Variants in NYAP2 observed in about 807,000 individuals in gnomAD.
NYAP2 encodes neuronal tyrosine-phosphorylated phosphoinositide-3-kinase adapter 2.
Under a neutral mutation model 50.4 loss-of-function variants are expected in NYAP2, and 23 were observed. That is an observed-to-expected ratio of 0.46 (90% CI 0.33 to 0.65). NYAP2 has a LOEUF of 0.65. NYAP2 is among the 30% of genes least tolerant of loss of function. The probability of loss-of-function intolerance (pLI) is 0.02; values close to 1 mark genes in which losing one functional copy is unlikely to be tolerated. For missense variants in NYAP2, 885 were observed against 861.0 expected (o/e 1.03, Z -0.35); for synonymous variants, 394 against 365.2 (o/e 1.08, Z -0.90).
chr2:225,635,186 T>C (rs994813572), intron 6 of NYAP2, among the ~76,000 whole-genome samples: 2 of 152,214 alleles, frequency 1.3e-5, no homozygotes, highest in Non-Finnish European at 2.9e-5. Flanking sequence ...CATGCAGAAT[T>C]GGGCAGCAGG....
At chr2:225,580,527 C>A (rs185280289) in intron 4 of NYAP2, among the ~76,000 whole-genome samples, 1 of 152,124 alleles carries the variant, frequency 6.6e-6, no homozygotes, top group Non-Finnish European at 1.5e-5. Flanking sequence ...TGAACCTTCC[C>A]CTCAAAAAGC....
chr2:225,412,255 CTTTTTT>C (rs560637948), intron 3 of NYAP2, among the ~76,000 whole-genome samples: 1,036 of 59,174 alleles, frequency 0.018, 21 homozygotes, highest in African/African-American at 0.051. Flanking sequence ...CTGCGCCCGG[CTTTTTT>C]TTTTTTTTTT....
chr2:225,454,080 T>A (rs1689696987), intron 3 of NYAP2, among the ~76,000 whole-genome samples: 1 of 152,130 alleles, frequency 6.6e-6, no homozygotes, highest in Admixed American at 6.6e-5. Context: ...TTCCAACACT[T>A]TGGGAGGTCA....
At chr2:225,660,871 AAAT>A in the NYAP2 span, among the ~76,000 whole-genome samples, 1 of 152,160 alleles carries the variant, frequency 6.6e-6, no homozygotes, top group Non-Finnish European at 1.5e-5. Context: ...ATGCCTTTAA[AAAT>A]AATACTTAGG....
At chr2:225,649,120 AG>A (rs1177068671) in intron 6 of NYAP2, among the ~76,000 whole-genome samples, 1 of 152,102 alleles carries the variant, frequency 6.6e-6, no homozygotes, top group Non-Finnish European at 1.5e-5. Flanking sequence ...GTATGTGTGT[AG>A]GGGGTGAGAG....
chr2:225,600,007 A>T (rs561118050), intron 5 of NYAP2, among the ~76,000 whole-genome samples: 1 of 152,154 alleles, frequency 6.6e-6, no homozygotes, highest in African/African-American at 2.4e-5. Flanking sequence ...ATTTATCAAG[A>T]CAGGGGAATT....
Position 225,518,561 on chromosome 2 carries a change from T to A in NYAP2, c.523+4889T>A, listed in dbSNP as rs1396956486. On this transcript the variant is annotated intron_variant, in intron 4 of 6. Coordinates refer to ENST00000636099, the Ensembl canonical transcript of NYAP2. ...ATATATATATATATATATATATATATATATATATTAGCGTGTGCGCTTATA... is the reference window on the plus strand; with the variant it reads ...ATATATATATATATATATATATATAAATATATATTAGCGTGTGCGCTTATA... Among the ~76,000 whole-genome samples, 34 of 36,814 alleles carry A rather than the reference T, an allele frequency of 9.2e-4. 5 individuals are homozygous for A. Among genetic ancestry groups the A allele is most frequent in the Admixed American group, 1.8e-3 (6 of 3,314 alleles). The allele number at this position is 36,814 out of a possible 152,430, so 24.2% of individuals were successfully genotyped here. A position where few individuals can be genotyped will look rare whatever the true frequency, so the allele number is the denominator to read the frequency against.
chr2:225,596,953 A>G (rs1479308174), intron 5 of NYAP2, among the ~76,000 whole-genome samples: 1 of 152,158 alleles, frequency 6.6e-6, no homozygotes, highest in Admixed American at 6.6e-5. Context: ...AGTAAGAATA[A>G]AAGTGTACCT....
chr2:225,554,199 T>C (rs1188052065), intron 4 of NYAP2, among the ~76,000 whole-genome samples: 1 of 150,738 alleles, frequency 6.6e-6, no homozygotes, highest in Non-Finnish European at 1.5e-5. Context: ...GGTGTTGTTA[T>C]TGTTGTTGTT....
intron 4 of NYAP2, among the ~76,000 whole-genome samples, chr2:225,553,816 C>G (rs562863037): frequency 6.6e-6 from 1 of 152,058 alleles, no homozygotes. Context: ...GCGGGTGGAT[C>G]ACATGAGGTC....
chr2:225,537,763 G>A (rs996546279), intron 4 of NYAP2, among the ~76,000 whole-genome samples: 14 of 152,108 alleles, frequency 9.2e-5, no homozygotes, highest in African/African-American at 3.1e-4. Flanking sequence ...ACTCATTTCA[G>A]TGTTAACTCA....
At chr2:225,408,782 T>G in intron 2 of NYAP2, 82 bp from the exon 3 acceptor site, 1 of 698,126 alleles carries the variant, frequency 1.4e-6, no homozygotes, top group Admixed American at 2.5e-5. Context: ...ATTATTGGAG[T>G]TTTGAGTTGT....
Position 225,556,734 on chromosome 2 carries a change from G to A in NYAP2, c.524-25207G>A, listed in dbSNP as rs528785446. The stretch of plus-strand genomic sequence containing the variant: ...TAGGAACAGCTCTACACTATGGTAG[G>A]GGAATCATGAATTTTAATGGATTTT... On this transcript the variant is annotated intron_variant, in intron 4 of 6. Transcript: ENST00000636099. Among the ~76,000 whole-genome samples the A allele has an allele frequency of 1.2e-3, 179 of 152,190 alleles. 1 individual carries two copies. Among genetic ancestry groups the A allele is most frequent in the Non-Finnish European group, 1.3e-3 (87 of 68,002 alleles).
At chr2:225,651,564 G>T in exon 7 of NYAP2, 1 of 1,613,612 alleles carries the variant, frequency 6.2e-7, no homozygotes, top group South Asian at 1.1e-5. Flanking sequence ...AATCGTGATT[G>T]ACTTCCTGTG....
intron 4 of NYAP2, among the ~76,000 whole-genome samples, chr2:225,514,639 C>A (rs960758193): frequency 6.6e-6 from 1 of 152,134 alleles, no homozygotes; most frequent in Admixed American, 6.5e-5. Context: ...CACATACAAT[C>A]ATTATGGGAT....
At chr2:225,524,880 C>G (rs1052308322) in intron 4 of NYAP2, among the ~76,000 whole-genome samples, 1 of 152,042 alleles carries the variant, frequency 6.6e-6, no homozygotes, top group African/African-American at 2.4e-5. Flanking sequence ...GAAACTCAAA[C>G]AACTAAAGGA....
intron 3 of NYAP2, among the ~76,000 whole-genome samples, chr2:225,416,488 G>GCCATCAAGTTTCCCAAGATGCTTAA (rs1695124951): frequency 6.6e-6 from 1 of 152,068 alleles, no homozygotes; most frequent in Admixed American, 6.6e-5. Flanking sequence ...TTCAGTTAGA[G>GCCATCAAGTTTCCCAAGATGCTTAA]CCATCAAGTT....
chr2:225,692,611 T>C, the NYAP2 span, among the ~76,000 whole-genome samples: 1 of 152,022 alleles, frequency 6.6e-6, no homozygotes, highest in Non-Finnish European at 1.5e-5. Context: ...CACAGTACAA[T>C]ATCCATAAAA....
intron 3 of NYAP2, among the ~76,000 whole-genome samples, chr2:225,507,728 T>TTAAA (rs5839109): frequency 0.32 from 47,909 of 152,014 alleles, 7,655 homozygotes; most frequent in South Asian, 0.48. Flanking sequence ...GGGAAAAGAC[T>TTAAA]TAAATGTAGG....
Sources: allele counts gnomAD v4.1 joint callset (sites outside exome capture counted in the v4.1 genomes callset), GRCh38; gene constraint gnomAD v4.1.1; transcripts MANE v1.5; gene names NCBI Gene and HGNC (gene_info 2026-07-23, HGNC 2026-07-21).